Variants in PCDHA3 observed in about 807,000 individuals in gnomAD.
The protein encoded by PCDHA3 is protocadherin alpha 3.
In PCDHA3, 41 loss-of-function variants were observed where a neutral mutation model predicts 62.2. That is an observed-to-expected ratio of 0.66 (90% CI 0.51 to 0.86). PCDHA3 has a LOEUF of 0.86. Among genes scored for constraint, PCDHA3 ranks in the 40% least tolerant of loss-of-function variants. PCDHA3 has a pLI of 0.00. For synonymous variants in PCDHA3, 640 were observed against 555.4 expected, an observed-to-expected ratio of 1.15 and a Z score of -2.14; for missense variants, 1,304 against 1,241.2, an observed-to-expected ratio of 1.05 and a Z score of -0.76.
chr5:140,877,179 G>A (rs1554169418), intron 1 of PCDHA3: 8 of 1,613,712 alleles, frequency 5.0e-6, no homozygotes, highest in East Asian at 2.2e-5. Flanking sequence ...TGGCGACTCC[G>A]GCTGGCAGCG....
chr5:141,008,022 T>C (rs1355928123), intron 3 of PCDHA3, among the ~76,000 whole-genome samples: 3 of 152,226 alleles, frequency 2.0e-5, no homozygotes, highest in Non-Finnish European at 4.4e-5. Context: ...TCCTTTTTTT[T>C]CTTGTTAATC....
rs782208845 is a variant in PCDHA3 at position 140,857,288 on chromosome 5, C to G, written c.2394+53697C>G. ...ATTGGTGCTGGACAGCGCTCTGGAC[C>G]GCGAGAGGGTGTCGGCCTATGAGCT... On this transcript the variant is annotated intron_variant, in intron 1 of 3. Transcript: ENST00000522353. 42 of 1,598,652 alleles carry G rather than the reference C, an allele frequency of 2.6e-5. 1 individual carries two copies. The highest frequency in any genetic ancestry group is 3.3e-5 in the Non-Finnish European group (39 of 1,168,028).
chr5:140,848,986 AGAACGCC>A (rs2040724980), intron 1 of PCDHA3: 1 of 1,597,958 alleles, frequency 6.3e-7, no homozygotes, highest in African/African-American at 1.4e-5. Flanking sequence ...GATATCGGGG[AGAACGCC>A]CTGCTCACTT....
intron 1 of PCDHA3, chr5:140,829,729 C>A (rs1770524525): frequency 6.2e-7 from 1 of 1,613,494 alleles, no homozygotes; most frequent in African/African-American, 1.3e-5. Context: ...CGCCTCTGGG[C>A]AGCAACGTGA....
At chr5:140,927,153 C>T in intron 1 of PCDHA3, 1 of 1,614,190 alleles carries the variant, frequency 6.2e-7, no homozygotes, top group Non-Finnish European at 8.5e-7. Context: ...AACAGCTGTG[C>T]AGGGCCAAAG....
chr5:140,992,823 T>A (rs1261484178), intron 3 of PCDHA3, among the ~76,000 whole-genome samples: 1 of 152,140 alleles, frequency 6.6e-6, no homozygotes, highest in Non-Finnish European at 1.5e-5. Flanking sequence ...ATGTGTTTGT[T>A]TTTTGGGAAC....
intron 1 of PCDHA3, among the ~76,000 whole-genome samples, chr5:140,833,021 AAG>A (rs1157304540): frequency 2.0e-5 from 3 of 152,192 alleles, no homozygotes; most frequent in Admixed American, 6.6e-5. Context: ...TGGTTCCCAT[AAG>A]AGAGAGTGTG....
At chr5:140,868,042 C>G (rs1248168990) in intron 1 of PCDHA3, 1 of 151,924 alleles carries the variant, frequency 6.6e-6, no homozygotes, top group Non-Finnish European at 1.5e-5. Context: ...CTTGGAAATA[C>G]CAATATGGCA....
At chr5:140,930,168 C>T (rs2086634095) in intron 1 of PCDHA3, 1 of 152,048 alleles carries the variant, frequency 6.6e-6, no homozygotes, top group Non-Finnish European at 1.5e-5. Context: ...TAATATTTTA[C>T]AAAGAGGAAA....
chr5:140,852,890 T>G (rs1315995547), intron 1 of PCDHA3: 3 of 912,634 alleles, frequency 3.3e-6, no homozygotes, highest in East Asian at 2.3e-4. Context: ...AACGTATTTT[T>G]TTTTTTGAGT....
At chr5:140,864,034 T>C (rs2048289814) in intron 1 of PCDHA3, 1 of 153,038 alleles carries the variant, frequency 6.5e-6, no homozygotes, top group African/African-American at 2.4e-5. Flanking sequence ...CTAGCCATCT[T>C]AATCACTTTT....
At position 140,854,099 on chromosome 5, in the gene PCDHA3, C is replaced by T. The variant is rs139574544; in HGVS notation, c.2394+50508C>T. 48 of 268,552 alleles carry T rather than the reference C, an allele frequency of 1.8e-4. 2 individuals are homozygous for T. Among genetic ancestry groups the T allele is most frequent in the African/African-American group, 8.8e-4 (36 of 40,902 alleles). 16.6% of individuals were successfully genotyped at this position (268,552 alleles called of 1,614,324 possible). The stretch of plus-strand genomic sequence containing the variant: ...ATCGCTTGAGCCTGGGACATTGAGG[C>T]TGCAGTGAACTGTGATGGCACAACT... On this transcript the variant is annotated intron_variant, in intron 1 of 3. Transcript: ENST00000522353.
rs1368587662 is a variant in PCDHA3 at position 140,863,465 on chromosome 5, T to C, written c.2394+59874T>C. 19 of 507,706 alleles carry C rather than the reference T, an allele frequency of 3.7e-5. No individual in the cohort carries two copies. The Admixed American group carries it at 3.9e-4, about 10-fold the overall frequency. 31.5% of individuals were successfully genotyped at this position (507,706 alleles called of 1,614,324 possible). Reference sequence around the variant, plus strand: ...ACTCGCAGCAAAGGAGATTTTACTCTGGAGAGTCGCCTCCCAAGGTCAACA... The same window carrying C: ...ACTCGCAGCAAAGGAGATTTTACTCCGGAGAGTCGCCTCCCAAGGTCAACA... On this transcript the variant is annotated intron_variant, in intron 1 of 3. Coordinates refer to ENST00000522353, the MANE Select transcript of PCDHA3 (RefSeq NM_018906.3).
At chr5:140,883,636 G>A (rs781839349) in intron 1 of PCDHA3, 5 of 1,613,974 alleles carry the variant, frequency 3.1e-6, no homozygotes, top group South Asian at 2.2e-5. Context: ...CGGCGTTCGC[G>A]CAGCCCGAGT....
intron 1 of PCDHA3, chr5:140,882,140 T>C (rs1010543120): frequency 7.4e-6 from 11 of 1,490,760 alleles, no homozygotes; most frequent in Admixed American, 4.6e-5. Flanking sequence ...GCAGAAAATA[T>C]AGCAGAAAGC....
intron 1 of PCDHA3, among the ~76,000 whole-genome samples, chr5:140,900,556 C>T (rs757442954): frequency 4.6e-5 from 7 of 152,168 alleles, no homozygotes; most frequent in Non-Finnish European, 5.9e-5. Flanking sequence ...GGATTACAGG[C>T]GTGAGCCACG....
chr5:140,870,078 G>A, intron 1 of PCDHA3: 1 of 1,613,838 alleles, frequency 6.2e-7, no homozygotes, highest in South Asian at 1.1e-5. Flanking sequence ...CAGATAAGGG[G>A]ACTCCCCCAA....
intron 3 of PCDHA3, among the ~76,000 whole-genome samples, chr5:141,008,308 TA>T (rs1554261716): frequency 6.6e-6 from 1 of 152,214 alleles, no homozygotes; most frequent in East Asian, 1.9e-4. Flanking sequence ...CCCTAAACTG[TA>T]ATTGAACATA....
chr5:140,928,513 A>G lies in PCDHA3; in HGVS notation c.2395-50436A>G, dbSNP rs781867292. On this transcript the variant is annotated intron_variant, in intron 1 of 3. Transcript: ENST00000522353. ...TCCTCCCAGAAGTGCAACAGTGACTATAAACTTGTTTGTGGTAGATAGGAA... is the reference window on the plus strand; with the variant it reads ...TCCTCCCAGAAGTGCAACAGTGACTGTAAACTTGTTTGTGGTAGATAGGAA... 1.4e-5 allele frequency: 23 copies of G among 1,614,064 alleles called. No individual in the cohort carries two copies. In the African/African-American group the frequency reaches 2.8e-4, roughly 20 times the overall value.
Sources: allele counts gnomAD v4.1 joint callset (sites outside exome capture counted in the v4.1 genomes callset), GRCh38; gene constraint gnomAD v4.1.1; transcripts MANE v1.5; gene names NCBI Gene and HGNC (gene_info 2026-07-23, HGNC 2026-07-21).